The following PLXNA4 variants were observed in gnomAD, a reference collection of about 807,000 sequenced individuals.
The protein encoded by PLXNA4 is plexin A4.
Under a neutral mutation model 191.8 loss-of-function variants are expected in PLXNA4, and 44 were observed. That is an observed-to-expected ratio of 0.23 (90% confidence interval 0.18 to 0.29). PLXNA4 has a LOEUF of 0.29. PLXNA4 is among the 10% of genes least tolerant of loss of function. PLXNA4 has a pLI of 1.00. For missense variants in PLXNA4, 1,800 were observed against 2,488.8 expected (o/e 0.72, Z 5.89); for synonymous variants, 1,082 against 1,009.5 (o/e 1.07, Z -1.36).
chr7:132,364,734 T>C (rs1362623591), intron 3 of PLXNA4, among the ~76,000 whole-genome samples: 1 of 152,204 alleles, frequency 6.6e-6, no homozygotes, highest in Non-Finnish European at 1.5e-5. Context: ...TTTTTCTCAC[T>C]ATGTTCGTAG....
intron 6 of PLXNA4, 83 bp from the exon 7 acceptor site, chr7:132,227,687 G>T: frequency 1.3e-6 from 2 of 1,542,518 alleles, no homozygotes; most frequent in Non-Finnish European, 1.8e-6. Flanking sequence ...GAAAGTGGGA[G>T]AGTGAGAGAG....
At chr7:132,454,034 T>C (rs986837913) in intron 3 of PLXNA4, among the ~76,000 whole-genome samples, 3 of 152,218 alleles carry the variant, frequency 2.0e-5, no homozygotes, top group Non-Finnish European at 4.4e-5. Flanking sequence ...TGCTCTCTGG[T>C]GTGGGCAACA....
At chr7:132,222,560 C>T (rs1052683414) in intron 9 of PLXNA4, among the ~76,000 whole-genome samples, 2 of 152,032 alleles carry the variant, frequency 1.3e-5, no homozygotes, top group African/African-American at 4.8e-5. Context: ...GGTCATGACA[C>T]CTGTGTGGTG....
chr7:132,467,064 A>G (rs1458166290), intron 3 of PLXNA4, among the ~76,000 whole-genome samples: 2 of 152,164 alleles, frequency 1.3e-5, no homozygotes, highest in Non-Finnish European at 2.9e-5. Context: ...TGCTCCACAC[A>G]TGGAAAAGCC....
chr7:132,539,562 T>C (rs1254578474), intron 1 of PLXNA4, among the ~76,000 whole-genome samples: 2 of 152,212 alleles, frequency 1.3e-5, no homozygotes, highest in African/African-American at 2.4e-5. Flanking sequence ...GCCACTGACC[T>C]GTTATAGTCC....
chr7:132,320,708 C>A (rs1048954881), intron 3 of PLXNA4, among the ~76,000 whole-genome samples: 1 of 152,130 alleles, frequency 6.6e-6, no homozygotes, highest in East Asian at 1.9e-4. Flanking sequence ...GAGGTTAAAG[C>A]AAGTCAGCTT....
chr7:132,285,931 C>A (rs1238392875), intron 4 of PLXNA4, among the ~76,000 whole-genome samples: 1 of 152,048 alleles, frequency 6.6e-6, no homozygotes, highest in Non-Finnish European at 1.5e-5. Flanking sequence ...CACCCACCAC[C>A]CCCACCCACA....
At chr7:132,474,125 C>T (rs545099336) in intron 3 of PLXNA4, among the ~76,000 whole-genome samples, 1 of 151,560 alleles carries the variant, frequency 6.6e-6, no homozygotes, top group East Asian at 1.9e-4. Context: ...GCAGCAGAGC[C>T]CAAATGCAAA....
intron 22 of PLXNA4, 116 bp from the exon 23 acceptor site, chr7:132,165,316 G>A (rs2116652107): frequency 7.0e-7 from 1 of 1,421,858 alleles, no homozygotes; most frequent in South Asian, 1.6e-5. Context: ...GCTGCTTCTA[G>A]CGTTTAGGCC....
rs1794855824 is a variant in PLXNA4 at position 132,129,067 on chromosome 7, A to T, written c.*1412T>A. ...CGTGCATCTGTAGATGTAAGAACAG[A>T]TGGGGAGATGGATGCCAAGGCCAAG... On this transcript the variant is annotated 3_prime_UTR_variant, in exon 32 of 32. Transcript: ENST00000321063. The T allele has an allele frequency of 6.6e-6, 1 of 152,248 alleles. No individual in the cohort carries two copies. 9.4% of individuals were successfully genotyped at this position (152,248 alleles called of 1,614,324 possible). A position where few individuals can be genotyped will look rare whatever the true frequency, so the allele number is the denominator to read the frequency against.
intron 1 of PLXNA4, among the ~76,000 whole-genome samples, chr7:132,523,671 T>G (rs1240495801): frequency 6.6e-6 from 1 of 152,118 alleles, no homozygotes; most frequent in Non-Finnish European, 1.5e-5. Context: ...GAATGGTTTT[T>G]GGGTGGAAGA....
intron 3 of PLXNA4, among the ~76,000 whole-genome samples, chr7:132,328,917 C>T (rs1465298320): frequency 2.0e-5 from 3 of 152,274 alleles, no homozygotes; most frequent in Middle Eastern, 3.4e-3. Context: ...CAAGGATGTC[C>T]CATCTGGCCT....
intron 3 of PLXNA4, among the ~76,000 whole-genome samples, chr7:132,314,308 C>T (rs753387371): frequency 2.2e-4 from 33 of 152,168 alleles, no homozygotes; most frequent in Non-Finnish European, 4.1e-4. Flanking sequence ...AAATACCTAC[C>T]ATTATTTAAA....
At chr7:132,594,891 A>G (rs537580684) in intron 2 of PLXNA4, among the ~76,000 whole-genome samples, 1 of 149,216 alleles carries the variant, frequency 6.7e-6, no homozygotes, top group South Asian at 2.2e-4. Flanking sequence ...TGGTGTTTCC[A>G]TTCAGACATA....
At chr7:132,191,761 C>T (rs113998248) in intron 14 of PLXNA4, among the ~76,000 whole-genome samples, 1,218 of 75,370 alleles carry the variant, frequency 0.016, 15 homozygotes, top group African/African-American at 0.11. Flanking sequence ...AATGTCATCC[C>T]TCCTCTCTCC....
At chr7:132,346,546 A>G (rs1803252477) in intron 3 of PLXNA4, among the ~76,000 whole-genome samples, 1 of 152,328 alleles carries the variant, frequency 6.6e-6, no homozygotes, top group East Asian at 1.9e-4. Context: ...GCCACAGAGC[A>G]GCAGGAAACC....
chr7:132,393,135 T>C (rs1793584386), intron 3 of PLXNA4, among the ~76,000 whole-genome samples: 1 of 151,822 alleles, frequency 6.6e-6, no homozygotes, highest in Admixed American at 6.6e-5. Flanking sequence ...TGTTCACTTA[T>C]CCTCCAAGGC....
chr7:132,470,316 C>A (rs1340551675), intron 3 of PLXNA4, among the ~76,000 whole-genome samples: 3 of 152,156 alleles, frequency 2.0e-5, no homozygotes, highest in African/African-American at 4.8e-5. Context: ...CTGAAGTGCT[C>A]TAGTTGGGAA....
chr7:132,562,467 C>CTT (rs1369529255), intron 1 of PLXNA4, among the ~76,000 whole-genome samples: 3 of 90,552 alleles, frequency 3.3e-5, no homozygotes, highest in Non-Finnish European at 4.7e-5. Context: ...TCCTCCTCCT[C>CTT]CTTTCTCCTC....
Sources: allele counts gnomAD v4.1 joint callset (sites outside exome capture counted in the v4.1 genomes callset), GRCh38; gene constraint gnomAD v4.1.1; transcripts MANE v1.5; gene names NCBI Gene and HGNC (gene_info 2026-07-23, HGNC 2026-07-21).